The following DLG2 variants were observed in gnomAD, a reference collection of about 807,000 sequenced individuals.
DLG2 encodes the protein discs large MAGUK scaffold protein 2, also known as disks large homolog 2.
DLG2 carries 45 observed loss-of-function variants against 132.5 expected under a neutral mutation model. The ratio of observed to expected loss-of-function variants is 0.34; its 90% CI spans 0.27 to 0.44. DLG2 has a LOEUF of 0.44. DLG2 is among the 20% of genes least tolerant of loss of function. DLG2 has a pLI of 1.00. For synonymous variants in DLG2, 424 were observed against 419.6 expected, an observed-to-expected ratio of 1.01 and a Z score of -0.13; for missense variants, 1,045 against 1,196.9, an observed-to-expected ratio of 0.87 and a Z score of 1.87.
intron 3 of DLG2, among the ~76,000 whole-genome samples, chr11:85,386,040 G>C (rs542268154): frequency 1.3e-5 from 2 of 152,244 alleles, no homozygotes; most frequent in East Asian, 3.9e-4. Flanking sequence ...TTTTCTTTAA[G>C]AGAAAAACAG....
chr11:85,569,953 G>C (rs1462773919), intron 3 of DLG2, among the ~76,000 whole-genome samples: 6 of 152,060 alleles, frequency 3.9e-5, no homozygotes, highest in Non-Finnish European at 7.4e-5. Context: ...AGCACAGATG[G>C]ACATAAACAA....
chr11:85,158,807 G>T (rs913638539), intron 4 of DLG2, among the ~76,000 whole-genome samples: 1 of 151,918 alleles, frequency 6.6e-6, no homozygotes, highest in Non-Finnish European at 1.5e-5. Flanking sequence ...TAATCATAGT[G>T]TTTCTAGAAG....
chr11:85,486,054 C>G (rs149515511), intron 3 of DLG2, among the ~76,000 whole-genome samples: 1 of 152,174 alleles, frequency 6.6e-6, no homozygotes, highest in African/African-American at 2.4e-5. Context: ...GCCCACAGTG[C>G]GCCATCTGAG....
At chr11:85,389,451 G>A (rs2086618997) in intron 3 of DLG2, among the ~76,000 whole-genome samples, 1 of 152,146 alleles carries the variant, frequency 6.6e-6, no homozygotes, top group African/African-American at 2.4e-5. Context: ...AATACCTGAG[G>A]AAAACTTCCC....
intron 4 of DLG2, among the ~76,000 whole-genome samples, chr11:85,253,472 G>A (rs72947981): frequency 0.042 from 6,449 of 152,208 alleles, 181 homozygotes; most frequent in East Asian, 0.095. Context: ...ACCAGAGGGA[G>A]GGTGAATAGA....
chr11:85,616,187 C>G (rs2081327124), intron 2 of DLG2, among the ~76,000 whole-genome samples: 24 of 152,082 alleles, frequency 1.6e-4, no homozygotes, highest in Admixed American at 1.5e-3. Context: ...CACACTCATA[C>G]AGTAAAAAGG....
intron 6 of DLG2, among the ~76,000 whole-genome samples, chr11:84,671,860 C>T (rs535907351): frequency 7.9e-5 from 12 of 152,102 alleles, no homozygotes; most frequent in South Asian, 6.2e-4. Context: ...ATTTGTGAAA[C>T]GAGATTTTTT....
At chr11:84,171,397 C>A (rs1368239838) in intron 8 of DLG2, among the ~76,000 whole-genome samples, 3 of 152,098 alleles carry the variant, frequency 2.0e-5, no homozygotes, top group Admixed American at 6.6e-5. Context: ...ATTCCATTCC[C>A]ACCTTCTCAT....
At chr11:83,782,627 G>A (rs148777617) in intron 18 of DLG2, among the ~76,000 whole-genome samples, 1 of 152,304 alleles carries the variant, frequency 6.6e-6, no homozygotes, top group East Asian at 1.9e-4. Flanking sequence ...CTGGGTAGAG[G>A]ATTCCACAGA....
Position 84,896,153 on chromosome 11 carries a change from T to C in DLG2, c.357+215508A>G, listed in dbSNP as rs148945081. Among the ~76,000 whole-genome samples, 608 of 152,246 alleles carry C rather than the reference T, an allele frequency of 4.0e-3. 4 individuals are homozygous for C. The highest frequency in any genetic ancestry group is 0.014 in the African/African-American group (595 of 41,558). ...CAAATTGTTTAAATCATTAGCTTTA[T>C]ATACATTTTGTAGACTTCTATTTCA... On this transcript the variant is annotated intron_variant, in intron 6 of 27. Coordinates refer to ENST00000376104, the MANE Select transcript of DLG2 (RefSeq NM_001142699.3).
intron 3 of DLG2, among the ~76,000 whole-genome samples, chr11:85,578,815 C>G (rs965555017): frequency 2.0e-5 from 3 of 152,182 alleles, no homozygotes; most frequent in African/African-American, 7.2e-5. Flanking sequence ...TCATGGAAGA[C>G]AGTGTGGCAA....
chr11:84,808,887 T>G (rs2076271623), intron 6 of DLG2, among the ~76,000 whole-genome samples: 1 of 151,902 alleles, frequency 6.6e-6, no homozygotes, highest in Non-Finnish European at 1.5e-5. Flanking sequence ...CATTTAAAAA[T>G]AATTAAGATC....
intron 7 of DLG2, among the ~76,000 whole-genome samples, chr11:84,382,633 T>C (rs1342831239): frequency 6.6e-6 from 1 of 152,166 alleles, no homozygotes; most frequent in East Asian, 1.9e-4. Flanking sequence ...ATCATAACCA[T>C]TTGTCCTTAA....
intron 22 of DLG2, among the ~76,000 whole-genome samples, chr11:83,479,543 A>G (rs17145257): frequency 0.033 from 4,987 of 152,232 alleles, 304 homozygotes; most frequent in African/African-American, 0.11. Context: ...AGAAATCATA[A>G]GAATCCTAGT....
intron 14 of DLG2, among the ~76,000 whole-genome samples, chr11:83,943,712 C>T (rs1011333313): frequency 1.3e-5 from 2 of 152,166 alleles, no homozygotes; most frequent in Admixed American, 1.3e-4. Flanking sequence ...AAATTTACAG[C>T]AAGTATAGTC....
intron 19 of DLG2, among the ~76,000 whole-genome samples, chr11:83,619,068 A>C (rs1006377415): frequency 3.0e-4 from 45 of 152,202 alleles, no homozygotes; most frequent in African/African-American, 1.1e-3. Flanking sequence ...TATCCATTCC[A>C]TCATACTTGC....
chr11:83,840,104 G>GAA (rs2154014574), intron 16 of DLG2, among the ~76,000 whole-genome samples: 2 of 152,246 alleles, frequency 1.3e-5, no homozygotes, highest in South Asian at 4.1e-4. Flanking sequence ...TCTACGTTTT[G>GAA]GCTCAGGCCA....
At chr11:85,340,309 A>C (rs1203916943) in intron 3 of DLG2, among the ~76,000 whole-genome samples, 1 of 152,254 alleles carries the variant, frequency 6.6e-6, no homozygotes, top group Non-Finnish European at 1.5e-5. Context: ...CTATGCAGCT[A>C]TAAAAAAGGA....
intron 3 of DLG2, among the ~76,000 whole-genome samples, chr11:85,424,573 C>A (rs1247408521): frequency 6.6e-6 from 1 of 152,098 alleles, no homozygotes; most frequent in Non-Finnish European, 1.5e-5. Context: ...TAGGTTTTTT[C>A]TTATGTGAGG....
Sources: gnomAD v4.1 joint callset for allele counts (sites outside exome capture counted in the v4.1 genomes callset) on GRCh38, gnomAD v4.1.1 for gene constraint, MANE v1.5 for transcripts, NCBI Gene and HGNC (gene_info 2026-07-23, HGNC 2026-07-21) for gene names.